ZNF175: variants seen among roughly 807,000 people sequenced by gnomAD.
ZNF175 encodes zinc finger protein OTK18.
Under a neutral mutation model 14.0 loss-of-function variants are expected in ZNF175, and 8 were observed. The ratio of observed to expected loss-of-function variants is 0.57; its 90% CI spans 0.34 to 1.03. The LOEUF (loss-of-function observed/expected upper bound fraction) is 1.03. ZNF175 is among the 50% of genes least tolerant of loss of function. ZNF175 has a pLI of 0.03. For synonymous variants in ZNF175, 255 were observed against 296.8 expected, an observed-to-expected ratio of 0.86 and a Z score of 1.45; for missense variants, 764 against 849.5, an observed-to-expected ratio of 0.90 and a Z score of 1.25.
chr19:51,587,735 C>T lies in ZNF175; in HGVS notation c.1404C>T (p.Ser468=), dbSNP rs1982217196. The T allele has an allele frequency of 6.2e-7, 1 of 1,614,138 alleles. No individual in the cohort carries two copies. Among genetic ancestry groups the T allele is most frequent in the Non-Finnish European group, 8.5e-7 (1 of 1,180,030 alleles). ...CACACCTGATTGTCCATCAAAGAAG[C>T]CACACAGGAGAAAAACCTTATCAGT... The part of the protein sequence containing the change: ...QKAHLIVHQR[S]HTGEKPYQCH... Residue 468 remains serine (S), a synonymous_variant, in exon 5 of 5, where the codon AGC becomes AGT. Transcript: ENST00000262259.
chr19:51,589,770 C>T lies in ZNF175; in HGVS notation c.*1303C>T. On this transcript the variant is annotated 3_prime_UTR_variant, in exon 5 of 5. Transcript: ENST00000262259. ...TTGTCTGGGCTTCTTTTGTGCTGCA[C>T]TGGCAGAATTGAGTAGTTTTGGCGG... The T allele has an allele frequency of 1.7e-6, 1 of 577,272 alleles. No individual in the cohort carries two copies. The highest frequency in any genetic ancestry group is 3.1e-6 in the Non-Finnish European group (1 of 326,408). 35.8% of individuals were successfully genotyped at this position (577,272 alleles called of 1,614,324 possible).
Position 51,592,468 on chromosome 19 carries a change from G to T in ZNF175, c.*4001G>T. The T allele has an allele frequency of 1.8e-6, 1 of 555,620 alleles. No individual in the cohort carries two copies. The highest frequency in any genetic ancestry group is 2.6e-5 in the South Asian group (1 of 38,814). The allele number at this position is 555,620 out of a possible 1,614,324, so 34.4% of individuals were successfully genotyped here. On this transcript the variant is annotated 3_prime_UTR_variant, in exon 5 of 5. Coordinates refer to ENST00000262259, the MANE Select transcript of ZNF175 (RefSeq NM_007147.4). ...CGTTCTTAATGATTCAACAAACATGGAATTTCATTAAATCTGAAATAAAGG... is the reference window on the plus strand; with the variant it reads ...CGTTCTTAATGATTCAACAAACATGTAATTTCATTAAATCTGAAATAAAGG...
In ZNF175 at chr19:51,587,844, T is replaced by C. The variant is rs3764548; in HGVS notation, c.1513T>C (p.Cys505Arg). The change falls in exon 5 of 5, where the codon TGC (cysteine) becomes CGC (arginine). Residue 505 changes from cysteine to arginine, a missense_variant. By Grantham distance (180) the Cys-to-Arg change is radical (BLOSUM62 -3). Transcript: ENST00000262259. ...RIHTGEKPYECSDCGKTFTQK... is the reference protein window; with the variant it reads ...RIHTGEKPYERSDCGKTFTQK... ...TCATACAGGGGAGAAACCTTATGAA[T>C]GCAGTGACTGTGGAAAAACCTTCAC... The C allele has an allele frequency of 3.7e-6, 6 of 1,614,166 alleles. No individual in the cohort carries two copies. The East Asian group carries it at 1.3e-4, about 36-fold the overall frequency.
intron 2 of ZNF175, chr19:51,574,279 T>C (rs1400440689): frequency 6.8e-6 from 1 of 147,408 alleles, no homozygotes; most frequent in African/African-American, 2.4e-5. Flanking sequence ...CATTTGATAA[T>C]AGAAAGTATT....
In ZNF175 at chr19:51,587,694, G is replaced by A. The variant is rs774668043; in HGVS notation, c.1363G>A (p.Ala455Thr). The change falls in exon 5 of 5, where the codon GCC (alanine) becomes ACC (threonine). Residue 455 changes from alanine (A) to threonine (T), a missense_variant. Physicochemically the swap from Ala to Thr is moderately conservative, Grantham distance 58 (BLOSUM62 0). Transcript: ENST00000262259. ...CTATGTGTGTATCGAATGCGGGCAG[G>A]CCTTCATCCAGAAGGCACACCTGAT... is the stretch of plus-strand genomic sequence containing the variant. ...KSYVCIECGQAFIQKAHLIVH... is the reference protein window; with the variant it reads ...KSYVCIECGQTFIQKAHLIVH... The A allele has an allele frequency of 7.4e-6, 12 of 1,613,962 alleles. No homozygotes were observed. The East Asian group carries it at 2.5e-4, about 33-fold the overall frequency.
At chr19:51,576,603 C>T (rs1036658215) in intron 2 of ZNF175, among the ~76,000 whole-genome samples, 20 of 152,158 alleles carry the variant, frequency 1.3e-4, no homozygotes, top group Non-Finnish European at 2.6e-4. Context: ...AGGCAGTTTG[C>T]TTGAGGGTTG....
At chr19:51,585,972 A>G (rs1982151903) in intron 4 of ZNF175, among the ~76,000 whole-genome samples, 4 of 152,196 alleles carry the variant, frequency 2.6e-5, no homozygotes, top group Non-Finnish European at 5.9e-5. Flanking sequence ...GAGTTGAGGC[A>G]TAGGAGAGTT....
intron 4 of ZNF175, among the ~76,000 whole-genome samples, chr19:51,582,582 C>T (rs1982045060): frequency 1.3e-5 from 2 of 152,198 alleles, no homozygotes; most frequent in Admixed American, 1.3e-4. Flanking sequence ...TAGGCGTGAG[C>T]CACCGCACCC....
chr19:51,577,496 T>C (rs1981828775), intron 2 of ZNF175, among the ~76,000 whole-genome samples: 2 of 152,156 alleles, frequency 1.3e-5, no homozygotes, highest in African/African-American at 4.8e-5. Context: ...CTTTTAGATA[T>C]GAATACTCCT....
intron 2 of ZNF175, among the ~76,000 whole-genome samples, chr19:51,578,062 C>T (rs1436629714): frequency 2.0e-5 from 3 of 152,078 alleles, no homozygotes; most frequent in African/African-American, 7.2e-5. Context: ...CCACTTTCTT[C>T]CAAAGTTAAC....
Position 51,581,478 on chromosome 19 carries a change from G to A in ZNF175, c.160G>A (p.Asp54Asn). 6.2e-7 allele frequency: 1 copy of A among 1,614,174 alleles called. No individual in the cohort carries two copies. Among genetic ancestry groups the A allele is most frequent in the South Asian group, 1.1e-5 (1 of 91,078 alleles). The change falls in exon 3 of 5, where the codon GAT becomes AAT. Residue 54 changes from aspartate (D) to asparagine (N), a missense_variant. By Grantham distance (23) the Asp-to-Asn change is conservative (BLOSUM62 1). Coordinates refer to ENST00000262259, the MANE Select transcript of ZNF175 (RefSeq NM_007147.4). ...LDPAQRCLYR[D>N]VMLELYSHLF... Reference sequence around the variant, plus strand: ...CCCTGCCCAGAGATGCCTGTACCGGGATGTGATGCTGGAGCTCTATAGCCA... The same window carrying A: ...CCCTGCCCAGAGATGCCTGTACCGGAATGTGATGCTGGAGCTCTATAGCCA...
intron 4 of ZNF175, among the ~76,000 whole-genome samples, chr19:51,583,393 A>T (rs1355777494): frequency 2.0e-5 from 3 of 152,132 alleles, no homozygotes; most frequent in African/African-American, 7.2e-5. Flanking sequence ...CTCACCTGAT[A>T]AATTTTGTGA....
rs1355509206 is a variant in ZNF175 at position 51,592,239 on chromosome 19, C to G, written c.*3772C>G. 1 of 191,136 alleles carries G rather than the reference C, an allele frequency of 5.2e-6. No homozygotes were observed. Among genetic ancestry groups the G allele is most frequent in the Non-Finnish European group, 1.1e-5 (1 of 93,500 alleles). 11.8% of individuals were successfully genotyped at this position (191,136 alleles called of 1,614,324 possible). A position where few individuals can be genotyped will look rare whatever the true frequency, so the allele number is the denominator to read the frequency against. ...TTAGGCTCATGGGCTCTGGAGCCAA[C>G]CTACCTGGATGCTACACATCCCAGC... On this transcript the variant is annotated 3_prime_UTR_variant, in exon 5 of 5. Transcript: ENST00000262259.
chr19:51,577,914 T>C (rs188045154), intron 2 of ZNF175, among the ~76,000 whole-genome samples: 2,512 of 151,048 alleles, frequency 0.017, 35 homozygotes, highest in Non-Finnish European at 0.026. Flanking sequence ...CCGCCCGCCT[T>C]GGCCTCCCAA....
chr19:51,583,968 A>G (rs1982091825), intron 4 of ZNF175, among the ~76,000 whole-genome samples: 1 of 152,216 alleles, frequency 6.6e-6, no homozygotes. Context: ...TGTATTTAGG[A>G]TACAGAAATT....
chr19:51,583,813 G>A (rs1982087726), intron 4 of ZNF175, among the ~76,000 whole-genome samples: 1 of 152,042 alleles, frequency 6.6e-6, no homozygotes, highest in African/African-American at 2.4e-5. Context: ...CTGCTCCATT[G>A]TTTTTGTATG....
chr19:51,581,232 T>C, intron 2 of ZNF175, 159 bp from the exon 3 acceptor site: 1 of 869,902 alleles, frequency 1.1e-6, no homozygotes, highest in Non-Finnish European at 1.7e-6. Flanking sequence ...ATTTCTCTTA[T>C]TTTTTTTTAA....
chr19:51,578,524 T>C (rs1038667645), intron 2 of ZNF175, among the ~76,000 whole-genome samples: 1 of 152,146 alleles, frequency 6.6e-6, no homozygotes, highest in African/African-American at 2.4e-5. Context: ...CCCCAGCACA[T>C]TGGGAGGCCA....
At position 51,588,858 on chromosome 19, in the gene ZNF175, A is replaced by G. The variant is rs1382988316; in HGVS notation, c.*391A>G. The G allele has an allele frequency of 9.9e-6, 4 of 403,230 alleles. 1 individual carries two copies. The highest frequency in any genetic ancestry group is 8.3e-5 in the Admixed American group (2 of 24,068). The allele number at this position is 403,230 out of a possible 1,614,324, so 25.0% of individuals were successfully genotyped here. On this transcript the variant is annotated 3_prime_UTR_variant, in exon 5 of 5. Coordinates refer to ENST00000262259, the MANE Select transcript of ZNF175 (RefSeq NM_007147.4). Reference sequence around the variant, plus strand: ...TAACCCTGTTTATTGTGGGATATCAATATTTTTAAAGTGCCAACACAGTCA... The same window carrying G: ...TAACCCTGTTTATTGTGGGATATCAGTATTTTTAAAGTGCCAACACAGTCA...
Sources: gnomAD v4.1 joint callset for allele counts (sites outside exome capture counted in the v4.1 genomes callset) on GRCh38, gnomAD v4.1.1 for gene constraint, MANE v1.5 for transcripts, NCBI Gene and HGNC (gene_info 2026-07-23, HGNC 2026-07-21) for gene names.